The following CASK variants were observed in gnomAD, a reference collection of about 807,000 sequenced individuals.
The protein encoded by CASK is calcium/calmodulin dependent serine protein kinase, also known as peripheral plasma membrane protein CASK.
In CASK, 4 loss-of-function variants were observed where a neutral mutation model predicts 82.9. The observed-to-expected ratio is 0.05, with a 90% CI of 0.02 to 0.11. CASK has a LOEUF of 0.11. Among genes scored for constraint, CASK ranks in the 10% least tolerant of loss-of-function variants. The pLI is 1.00. For synonymous variants in CASK, 259 were observed against 253.5 expected, an observed-to-expected ratio of 1.02 and a Z score of -0.20; for missense variants, 358 against 720.9, an observed-to-expected ratio of 0.50 and a Z score of 5.76.
At chrX:41,644,047 G>T (rs1480271060) in intron 8 of CASK, among the ~76,000 whole-genome samples, 1 of 111,931 alleles carries the variant, frequency 8.9e-6, no homozygotes, top group Non-Finnish European at 1.9e-5. Context: ...GGTTTTTGTT[G>T]TTGGTTCTGT....
intron 5 of CASK, among the ~76,000 whole-genome samples, chrX:41,714,563 G>C (rs897334671): frequency 8.9e-6 from 1 of 111,737 alleles, no homozygotes; most frequent in African/African-American, 3.3e-5. Context: ...CTGTAGAATA[G>C]AAGCTGGAAT....
intron 1 of CASK, among the ~76,000 whole-genome samples, chrX:41,918,488 G>A (rs1193830157): frequency 8.9e-6 from 1 of 111,972 alleles, no homozygotes; most frequent in Non-Finnish European, 1.9e-5. Context: ...ATTAAATCAA[G>A]CCATTATAGT....
At chrX:41,886,862 A>T (rs1185543187) in intron 1 of CASK, among the ~76,000 whole-genome samples, 1 of 111,377 alleles carries the variant, frequency 9.0e-6, no homozygotes, top group Non-Finnish European at 1.9e-5. Flanking sequence ...CTGTAGCGTT[A>T]TCTTTGACAC....
Position 41,843,898 on chromosome X carries a change from T to C in CASK, c.172+9217A>G, listed in dbSNP as rs990032542. Among the ~76,000 whole-genome samples the C allele has an allele frequency of 6.3e-5, 7 of 111,819 alleles. No individual in the cohort carries two copies. The Admixed American group carries it at 6.7e-4, about 11-fold the overall frequency. ...TGGTTGAAAAAATCATTCCATTGTA[T>C]GGATATACCATATTTAGTTTATAAA... On this transcript the variant is annotated intron_variant, in intron 2 of 26. Transcript: ENST00000378163.
At chrX:41,854,186 C>A (rs2071318622) in intron 1 of CASK, among the ~76,000 whole-genome samples, 1 of 108,350 alleles carries the variant, frequency 9.2e-6, no homozygotes, top group Non-Finnish European at 1.9e-5. Flanking sequence ...GATGCCCATA[C>A]CCTGGTCCAG....
In CASK at chrX:41,630,271, T is replaced by G. The variant is rs763786291; in HGVS notation, c.916-3568A>C. Among the ~76,000 whole-genome samples the G allele has an allele frequency of 7.2e-5, 8 of 111,612 alleles. No homozygotes were observed. In the East Asian group the frequency reaches 2.0e-3, roughly 27 times the overall value. ...TTTAAGGAAGTGGAAAACAAGAAAA[T>G]GGTTAGGTCAGATTTCTGCTAAGTT... On this transcript the variant is annotated intron_variant, in intron 9 of 26. Transcript: ENST00000378163.
rs186684605 is a variant in CASK, at chrX:41,599,065, A to C, written c.1156-9473T>G. Among the ~76,000 whole-genome samples the C allele has an allele frequency of 3.1e-4, 35 of 111,783 alleles. No individual in the cohort carries two copies. In the Admixed American group the frequency reaches 3.2e-3, roughly 10 times the overall value. On this transcript the variant is annotated intron_variant, in intron 12 of 26. Transcript: ENST00000378163. ...CTAGTGACTGAAATCAAGGAGCAAG[A>C]GTTCCACCCTGGAATTTAGATTTTC...
chrX:41,827,342 T>A (rs1225367121), intron 2 of CASK, among the ~76,000 whole-genome samples: 2 of 111,410 alleles, frequency 1.8e-5, no homozygotes, highest in Non-Finnish European at 3.8e-5. Context: ...CAACAGGAAT[T>A]TATTTCTCAT....
chrX:41,524,249 C>A, intron 25 of CASK: 1 of 407,310 alleles, frequency 2.5e-6, no homozygotes, highest in Non-Finnish European at 4.3e-6. Flanking sequence ...TAAAAGTTGG[C>A]AAACTGGACA....
At chrX:41,865,381 T>C (rs2071573348) in intron 1 of CASK, among the ~76,000 whole-genome samples, 1 of 111,850 alleles carries the variant, frequency 8.9e-6, no homozygotes, top group Non-Finnish European at 1.9e-5. Flanking sequence ...CCTTTTTTTT[T>C]CTCTGACATT....
At chrX:41,800,498 T>C (rs749553135) in intron 2 of CASK, among the ~76,000 whole-genome samples, 106 of 111,353 alleles carry the variant, frequency 9.5e-4, no homozygotes, top group Non-Finnish European at 5.8e-4. Flanking sequence ...TTTTTTCTTT[T>C]CTTTTCTTTT....
intron 14 of CASK, among the ~76,000 whole-genome samples, chrX:41,579,055 T>A (rs1488427143): frequency 3.6e-5 from 4 of 112,085 alleles, no homozygotes. Flanking sequence ...GCTAAAAGAA[T>A]CATCTATAAA....
At chrX:41,561,424 T>A (rs2065226815) in intron 17 of CASK, 135 bp downstream of exon 17, 1 of 504,377 alleles carries the variant, frequency 2.0e-6, no homozygotes. Context: ...ATGAATGTTA[T>A]ATAAGTTCAA....
intron 16 of CASK, 92 bp from the exon 17 acceptor site, chrX:41,561,736 G>A (rs1205166120): frequency 8.9e-6 from 6 of 674,026 alleles, no homozygotes; most frequent in Non-Finnish European, 1.4e-5. Context: ...TAAAAACTAA[G>A]TTGAATATTG....
intron 5 of CASK, chrX:41,697,100 T>C: frequency 1.2e-5 from 2 of 173,747 alleles, no homozygotes; most frequent in East Asian, 2.7e-4. Context: ...AATCAAGCAC[T>C]TGATACTAAT....
intron 12 of CASK, among the ~76,000 whole-genome samples, chrX:41,608,746 C>T (rs1389278946): frequency 8.9e-6 from 1 of 112,035 alleles, no homozygotes; most frequent in African/African-American, 3.2e-5. Context: ...GGAGTATATG[C>T]TTATGTTTTA....
intron 3 of CASK, among the ~76,000 whole-genome samples, chrX:41,764,903 A>T: frequency 8.9e-6 from 1 of 112,623 alleles, no homozygotes. Context: ...TTGTCTTAAA[A>T]GTCCCATCAA....
At chrX:41,768,999 A>T (rs919946156) in intron 3 of CASK, among the ~76,000 whole-genome samples, 5 of 111,185 alleles carry the variant, frequency 4.5e-5, no homozygotes, top group Non-Finnish European at 9.4e-5. Flanking sequence ...CAAAATGTAA[A>T]CATAGATACA....
At chrX:41,525,907 T>C (rs2064705754) in intron 25 of CASK, among the ~76,000 whole-genome samples, 1 of 112,041 alleles carries the variant, frequency 8.9e-6, no homozygotes, top group Non-Finnish European at 1.9e-5. Context: ...GGGAGACTGG[T>C]ACATTGTATT....
Sources: allele counts gnomAD v4.1 joint callset (sites outside exome capture counted in the v4.1 genomes callset), GRCh38; gene constraint gnomAD v4.1.1; transcripts MANE v1.5; gene names NCBI Gene and HGNC (gene_info 2026-07-23, HGNC 2026-07-21).